Variants in CHID1 observed in about 807,000 individuals in gnomAD.
CHID1 encodes chitinase domain containing 1.
Under a neutral mutation model 55.4 loss-of-function variants are expected in CHID1, and 44 were observed. The ratio of observed to expected loss-of-function variants is 0.79; its 90% CI spans 0.62 to 1.02. CHID1 has a LOEUF of 1.02. Among genes scored for constraint, CHID1 ranks in the 50% least tolerant of loss-of-function variants. CHID1 has a pLI of 0.00. For missense variants in CHID1, 491 were observed against 515.3 expected (o/e 0.95, Z 0.46); for synonymous variants, 216 against 212.9 (o/e 1.01, Z -0.13).
chr11:899,430 G>T (rs1390125443), intron 6 of CHID1, 29 bp from the exon 7 acceptor site: 2 of 1,577,450 alleles, frequency 1.3e-6, no homozygotes, highest in Non-Finnish European at 1.7e-6. Context: ...GGTGAGGAGG[G>T]CCTGGAGGCC....
At position 899,435 on chromosome 11, in the gene CHID1, G is replaced by A. The variant is rs1448159803; in HGVS notation, c.547-34C>T. 3.2e-6 allele frequency: 5 copies of A among 1,563,888 alleles called. No homozygotes were observed. In the Admixed American group the frequency reaches 9.3e-5, roughly 29 times the overall value. On this transcript the variant is annotated intron_variant, in intron 6 of 12. Transcript: ENST00000323578. Reference sequence around the variant, plus strand: ...AGCAGTCACAGGTGAGGAGGGCCTGGAGGCCCAGGAGGGATGGGTGGAAAG... The same window carrying A: ...AGCAGTCACAGGTGAGGAGGGCCTGAAGGCCCAGGAGGGATGGGTGGAAAG...
intron 8 of CHID1, among the ~76,000 whole-genome samples, chr11:886,598 T>C (rs1589849136): frequency 6.6e-6 from 1 of 152,150 alleles, no homozygotes; most frequent in African/African-American, 2.4e-5. Flanking sequence ...ACGCGCCCCA[T>C]GGTGGAGTTA....
chr11:885,359 C>G (rs1416949807), intron 8 of CHID1, among the ~76,000 whole-genome samples: 2 of 152,206 alleles, frequency 1.3e-5, no homozygotes, highest in Non-Finnish European at 2.9e-5. Context: ...CTACCAGGAC[C>G]AAGGTCTGGG....
chr11:911,791 C>T (rs979871702), upstream of CHID1, among the ~76,000 whole-genome samples: 2 of 152,224 alleles, frequency 1.3e-5, no homozygotes, highest in African/African-American at 4.8e-5. Flanking sequence ...GGCTCTTACT[C>T]AGCTTAGCAC....
rs1491037640 is a variant in CHID1 at position 886,156 on chromosome 11, AAG to A, written c.702-1989_702-1988del. Among the ~76,000 whole-genome samples, 172 of 93,154 alleles carry A rather than the reference AAG, an allele frequency of 1.8e-3. 22 individuals carry two copies. Among genetic ancestry groups the A allele is most frequent in the South Asian group, 0.011 (21 of 1,880 alleles). The allele number at this position is 93,154 out of a possible 152,430, so 61.1% of individuals were successfully genotyped here. On this transcript the variant is annotated intron_variant, in intron 8 of 12. Coordinates refer to ENST00000323578, the MANE Select transcript of CHID1 (RefSeq NM_023947.4). Reference sequence around the variant, plus strand: ...ACAAAGCAAGACTCCGTCTCAAAAAAAGAAAAAAAAAAAGGAAAAATGGCGGG... The same window carrying A: ...ACAAAGCAAGACTCCGTCTCAAAAAAAAAAAAAAAAAGGAAAAATGGCGGG...
intron 5 of CHID1, among the ~76,000 whole-genome samples, chr11:900,590 A>C (rs888200708): frequency 6.6e-6 from 1 of 152,076 alleles, no homozygotes; most frequent in African/African-American, 2.4e-5. Flanking sequence ...CAGGGTCAGC[A>C]TCACCCTCAG....
intron 8 of CHID1, among the ~76,000 whole-genome samples, chr11:885,128 C>T (rs2134189313): frequency 6.6e-6 from 1 of 152,328 alleles, no homozygotes; most frequent in Non-Finnish European, 1.5e-5. Context: ...GGGAGGGGGT[C>T]CCTGTGAGGC....
chr11:888,054 C>A (rs112258274), intron 8 of CHID1, among the ~76,000 whole-genome samples: 1 of 152,376 alleles, frequency 6.6e-6, no homozygotes, highest in African/African-American at 2.4e-5. Context: ...CTCCACACCA[C>A]GCCCCTCAGT....
At chr11:899,199 T>C (rs1851616257) in intron 7 of CHID1, 141 bp downstream of exon 7, 2 of 764,060 alleles carry the variant, frequency 2.6e-6, no homozygotes, top group African/African-American at 1.7e-5. Context: ...CAGGTGTCCA[T>C]CTTTTGTGCA....
intron 1 of CHID1, among the ~76,000 whole-genome samples, chr11:909,680 C>T (rs1356313558): frequency 6.6e-6 from 1 of 152,238 alleles, no homozygotes; most frequent in African/African-American, 2.4e-5. Context: ...CTGCGATGGA[C>T]GCACTGACAA....
intron 8 of CHID1, among the ~76,000 whole-genome samples, chr11:891,768 C>T (rs1850841890): frequency 6.6e-6 from 1 of 152,152 alleles, no homozygotes; most frequent in African/African-American, 2.4e-5. Flanking sequence ...AAGGACGTGT[C>T]CTCACAGCCA....
intron 7 of CHID1, among the ~76,000 whole-genome samples, chr11:898,210 C>A (rs1424839467): frequency 6.6e-6 from 1 of 152,238 alleles, no homozygotes; most frequent in Non-Finnish European, 1.5e-5. Flanking sequence ...GGGGACGCTG[C>A]CCCAGGTGGG....
At chr11:906,668 G>C (rs1852240404) in intron 1 of CHID1, among the ~76,000 whole-genome samples, 1 of 152,168 alleles carries the variant, frequency 6.6e-6, no homozygotes, top group Non-Finnish European at 1.5e-5. Context: ...GTCCCACAGA[G>C]AAAGCATGTA....
At chr11:877,703 T>G (rs557383794) in intron 10 of CHID1, among the ~76,000 whole-genome samples, 71 of 148,314 alleles carry the variant, frequency 4.8e-4, no homozygotes, top group African/African-American at 1.7e-3. Flanking sequence ...CACACTGAAA[T>G]GTAATACCCA....
chr11:890,258 C>A (rs574509454), intron 8 of CHID1, among the ~76,000 whole-genome samples: 1 of 152,198 alleles, frequency 6.6e-6, no homozygotes, highest in Non-Finnish European at 1.5e-5. Flanking sequence ...ACTGCCAGCA[C>A]GCGGCCTGCC....
At chr11:870,321 CCT>C (rs893168813) in intron 11 of CHID1, 96 bp downstream of exon 11, 10 of 1,334,684 alleles carry the variant, frequency 7.5e-6, no homozygotes, top group Admixed American at 1.9e-5. Context: ...AGCTCGTGAC[CCT>C]GAGACCCCCT....
chr11:900,619 C>A (rs572977830), intron 5 of CHID1, among the ~76,000 whole-genome samples: 2 of 152,168 alleles, frequency 1.3e-5, no homozygotes, highest in Non-Finnish European at 2.9e-5. Context: ...CAGGGCTTGG[C>A]CCCAGCTGCC....
intron 8 of CHID1, among the ~76,000 whole-genome samples, chr11:884,637 C>T (rs1476079099): frequency 2.6e-5 from 4 of 152,240 alleles, no homozygotes; most frequent in African/African-American, 9.6e-5. Flanking sequence ...TCAGGGTCGG[C>T]CTGGCCCAGC....
upstream of CHID1, among the ~76,000 whole-genome samples, chr11:912,848 A>G (rs1045237925): frequency 1.3e-5 from 2 of 151,244 alleles, no homozygotes; most frequent in African/African-American, 4.9e-5. Context: ...AAAAAAAAAA[A>G]AAAGAAAAAG....
Sources: gnomAD v4.1 joint callset for allele counts (sites outside exome capture counted in the v4.1 genomes callset) on GRCh38, gnomAD v4.1.1 for gene constraint, MANE v1.5 for transcripts, NCBI Gene and HGNC (gene_info 2026-07-23, HGNC 2026-07-21) for gene names.